Variants in ZNF799 observed in about 807,000 individuals in gnomAD.
ZNF799 encodes the protein zinc finger protein 14.
Under a neutral mutation model 41.0 loss-of-function variants are expected in ZNF799, and 28 were observed. The observed-to-expected ratio is 0.68, with a 90% CI of 0.51 to 0.94. The LOEUF is 0.94. Ranked by LOEUF, ZNF799 falls within the 40% of genes least tolerant of loss-of-function variation. The pLI is 0.00. For synonymous variants in ZNF799, 213 were observed against 252.9 expected, an observed-to-expected ratio of 0.84 and a Z score of 1.50; for missense variants, 716 against 764.3, an observed-to-expected ratio of 0.94 and a Z score of 0.74.
At chr19:12,411,527 A>G in the ZNF799 span, among the ~76,000 whole-genome samples, 1 of 152,296 alleles carries the variant, frequency 6.6e-6, no homozygotes, top group African/African-American at 2.4e-5. Flanking sequence ...TCATCTTCAC[A>G]TACAATAATC....
intron 1 of ZNF799, chr19:12,393,672 A>C: frequency 7.5e-7 from 1 of 1,339,936 alleles, no homozygotes; most frequent in Non-Finnish European, 9.6e-7. Context: ...TGAGTGAGTG[A>C]ATCACATAGC....
At chr19:12,410,270 TATA>T in the ZNF799 span, among the ~76,000 whole-genome samples, 1 of 58,670 alleles carries the variant, frequency 1.7e-5, no homozygotes, top group Non-Finnish European at 3.0e-5. Context: ...TATATATATA[TATA>T]TATATATATA....
the ZNF799 span, among the ~76,000 whole-genome samples, chr19:12,408,749 G>C: frequency 1.3e-5 from 2 of 152,156 alleles, no homozygotes; most frequent in Non-Finnish European, 2.9e-5. Flanking sequence ...AAATGCATAA[G>C]GTGGCTGGGT....
chr19:12,410,255 A>T, the ZNF799 span, among the ~76,000 whole-genome samples: 5 of 4,620 alleles, frequency 1.1e-3, no homozygotes, highest in South Asian at 0.089. Context: ...GTCTGTGTGC[A>T]TATATATATA....
intron 1 of ZNF799, among the ~76,000 whole-genome samples, chr19:12,397,579 AAAG>A (rs888482010): frequency 2.0e-5 from 3 of 150,662 alleles, no homozygotes; most frequent in African/African-American, 7.3e-5. Context: ...AAAAAAAAAA[AAAG>A]AAAGAAAGAA....
upstream of ZNF799, among the ~76,000 whole-genome samples, chr19:12,405,592 T>G (rs1484968058): frequency 6.6e-6 from 1 of 152,212 alleles, no homozygotes; most frequent in Non-Finnish European, 1.5e-5. Flanking sequence ...TTCTTTACTT[T>G]TAGCTTCTAA....
At chr19:12,402,158 A>G (rs1244915943), upstream of ZNF799, among the ~76,000 whole-genome samples, 3 of 152,368 alleles carry the variant, frequency 2.0e-5, no homozygotes, top group South Asian at 4.1e-4. Flanking sequence ...GGCTCACTGC[A>G]ACCTCTACCT....
At chr19:12,396,157 A>G (rs1392343431) in intron 1 of ZNF799, among the ~76,000 whole-genome samples, 2 of 152,254 alleles carry the variant, frequency 1.3e-5, no homozygotes, top group African/African-American at 4.8e-5. Flanking sequence ...GAATACAGAA[A>G]AACATGAAAA....
the ZNF799 span, among the ~76,000 whole-genome samples, chr19:12,407,580 A>G: frequency 6.6e-6 from 1 of 152,188 alleles, no homozygotes; most frequent in Admixed American, 6.5e-5. Context: ...CATAAAATAT[A>G]TGAAAAGAAT....
the ZNF799 span, among the ~76,000 whole-genome samples, chr19:12,407,471 A>AG: frequency 5.9e-5 from 9 of 151,354 alleles, no homozygotes; most frequent in African/African-American, 9.7e-5. Context: ...TAAAAAAAAA[A>AG]AGAGAGAGAG....
In ZNF799 at chr19:12,391,612, G is replaced by A. The variant is rs554916080; in HGVS notation, c.786C>T (p.Phe262=). ...LYECKQCSKA[F]PDYSSCLRHE... ...GTCTTAGACAAGAACTGTAATCAGG[G>A]AAGGCTTTAGAACACTGTTTACATT... The change falls in exon 4 of 4, where the codon TTC becomes TTT. Residue 262 remains phenylalanine (F), a synonymous_variant. Coordinates refer to ENST00000430385, the MANE Select transcript of ZNF799 (RefSeq NM_001080821.3). 4.2e-5 allele frequency: 68 copies of A among 1,613,654 alleles called. No homozygotes were observed. The African/African-American group carries it at 8.3e-4, about 20-fold the overall frequency.
In ZNF799 at chr19:12,391,358, T is replaced by C. The variant is rs1309390586; in HGVS notation, c.1040A>G (p.Asp347Gly). 6.2e-7 allele frequency: 1 copy of C among 1,613,980 alleles called. No individual in the cohort carries two copies. Among genetic ancestry groups the C allele is most frequent in the East Asian group, 2.2e-5 (1 of 44,852 alleles). Reference sequence around the variant, plus strand: ...ATGACTTTTCAGTGAACTAGGACAATCAAAGCCTTTTCCACATATCTTACA... The same window carrying C: ...ATGACTTTTCAGTGAACTAGGACAACCAAAGCCTTTTCCACATATCTTACA... ...HKCKICGKGF[D>G]CPSSLKSHER... Residue 347 changes from aspartate to glycine, a missense_variant, in exon 4 of 4, where the codon GAT (aspartate) becomes GGT (glycine). Coordinates refer to ENST00000430385, the MANE Select transcript of ZNF799 (RefSeq NM_001080821.3).
rs1368926163 is a variant in ZNF799, at chr19:12,391,073, G to A, written c.1325C>T (p.Thr442Ile). 3.1e-6 allele frequency: 5 copies of A among 1,614,036 alleles called. No individual in the cohort carries two copies. The African/African-American group carries it at 4.0e-5, about 13-fold the overall frequency. Residue 442 changes from threonine (T) to isoleucine (I), a missense_variant, in exon 4 of 4, where the codon ACT (threonine) becomes ATT (isoleucine). Around this residue, in one of 2 missense-constraint regions of ZNF799, gnomAD observed 698 missense variants for 713.6 expected, o/e 0.98. Coordinates refer to ENST00000430385, the MANE Select transcript of ZNF799 (RefSeq NM_001080821.3). ...TTTATAGGGTTTCTCTCCAGTATGA[G>A]TTGTTTCATGCCTTCGAAGAGAACT... is the stretch of plus-strand genomic sequence containing the variant. ...ISSSLRRHETTHTGEKPYKCK... is the reference protein window; with the variant it reads ...ISSSLRRHETIHTGEKPYKCK...
chr19:12,392,054 T>C lies in ZNF799; in HGVS notation c.344A>G (p.His115Arg), dbSNP rs759077539. The C allele has an allele frequency of 5.6e-6, 9 of 1,614,230 alleles. No homozygotes were observed. Among genetic ancestry groups the C allele is most frequent in the Admixed American group, 1.7e-5 (1 of 60,036 alleles). The change falls in exon 4 of 4, where the codon CAT (histidine) becomes CGT (arginine). Residue 115 changes from histidine (H) to arginine (R), a missense_variant. His to Arg is a conservative substitution (Grantham distance 29). This residue lies in a region of ZNF799 where 698 missense variants were observed against 713.6 expected (regional missense o/e 0.98). Coordinates refer to ENST00000430385, the MANE Select transcript of ZNF799 (RefSeq NM_001080821.3). ...TCTGATGTAACAATTAAGGGATGAATGACCCATGATGACTTCTCCACTCAT... is the reference window on the plus strand; with the variant it reads ...TCTGATGTAACAATTAAGGGATGAACGACCCATGATGACTTCTCCACTCAT... ...SRMSGEVIMG[H>R]SSLNCYIRVG...
In ZNF799 at chr19:12,391,162, T is replaced by C. The variant is rs1329165726; in HGVS notation, c.1236A>G (p.Glu412=). Residue 412 remains glutamate (E), a synonymous_variant, in exon 4 of 4, where the codon GAA becomes GAG. Transcript: ENST00000430385. ...AGGGTTTCTCTGCAGTGTGAGTCTT[T>C]TCATGCCTTTGAAATACACTGGGAT... ...FVYPSVFQRH[E]KTHTAEKPYK... The C allele has an allele frequency of 6.2e-7, 1 of 1,614,228 alleles. No homozygotes were observed. The highest frequency in any genetic ancestry group is 8.5e-7 in the Non-Finnish European group (1 of 1,180,022).
rs1287961974 is a variant in ZNF799 at position 12,401,228 on chromosome 19, G to A, written c.-158C>T. The stretch of plus-strand genomic sequence containing the variant: ...CAGGTGGGTGGAGAAGACGCCGCGG[G>A]CTTTTTCAACCACACACTCCTCTGG... On this transcript the variant is annotated 5_prime_UTR_variant, in exon 1 of 4. Transcript: ENST00000430385. The A allele has an allele frequency of 3.4e-6, 5 of 1,478,718 alleles. No individual in the cohort carries two copies. Among genetic ancestry groups the A allele is most frequent in the East Asian group, 4.8e-5 (2 of 41,826 alleles). The allele number at this position is 1,478,718 out of a possible 1,614,324, so 91.6% of individuals were successfully genotyped here. A position where few individuals can be genotyped will look rare whatever the true frequency, so the allele number is the denominator to read the frequency against.
chr19:12,404,564 C>CA (rs1568506705), upstream of ZNF799, among the ~76,000 whole-genome samples: 1 of 152,166 alleles, frequency 6.6e-6, no homozygotes, highest in East Asian at 1.9e-4. Flanking sequence ...GCTGGGATTA[C>CA]AGGCGTGAGC....
chr19:12,403,597 G>T, upstream of ZNF799, among the ~76,000 whole-genome samples: 1 of 150,330 alleles, frequency 6.7e-6, no homozygotes, highest in Non-Finnish European at 1.5e-5. Context: ...TTGCAGCCTA[G>T]GCTGGAGTGC....
chr19:12,396,889 G>A (rs1385384435), intron 1 of ZNF799, among the ~76,000 whole-genome samples: 3 of 151,952 alleles, frequency 2.0e-5, no homozygotes, highest in Non-Finnish European at 4.4e-5. Context: ...TCATCAGAGA[G>A]AAGAAAAATG....
Sources: allele counts gnomAD v4.1 joint callset (sites outside exome capture counted in the v4.1 genomes callset), GRCh38; gene constraint gnomAD v4.1.1; regional missense constraint gnomAD v4.1.1; transcripts MANE v1.5; gene names NCBI Gene and HGNC (gene_info 2026-07-23, HGNC 2026-07-21).